TRIM44: variants seen among roughly 807,000 people sequenced by gnomAD.
TRIM44 encodes tripartite motif-containing protein 44.
Under a neutral mutation model 37.4 loss-of-function variants are expected in TRIM44, and 13 were observed. The ratio of observed to expected loss-of-function variants is 0.35; its 90% CI spans 0.23 to 0.55. TRIM44 has a LOEUF of 0.55. TRIM44 is among the 20% of genes least tolerant of loss of function. TRIM44 has a pLI of 0.89. For missense variants in TRIM44, 426 were observed against 437.2 expected, an observed-to-expected ratio of 0.97 and a Z score of 0.23; for synonymous variants, 175 against 157.2, an observed-to-expected ratio of 1.11 and a Z score of -0.85.
At chr11:35,695,324 A>G (rs1851683690) in intron 2 of TRIM44, among the ~76,000 whole-genome samples, 1 of 152,170 alleles carries the variant, frequency 6.6e-6, no homozygotes, top group African/African-American at 2.4e-5. Flanking sequence ...AATAGCACTA[A>G]TAACTGATGG....
Position 35,808,018 on chromosome 11 carries a change from T to C in TRIM44, c.*1633T>C, listed in dbSNP as rs1853477100. ...GCTGATTGTTATGCTTGCAGGATGG[T>C]TTTGAAACAGAAACAATACTTGTTT... On this transcript the variant is annotated 3_prime_UTR_variant, in exon 5 of 5. Coordinates refer to ENST00000299413, the MANE Select transcript of TRIM44 (RefSeq NM_017583.6). The C allele has an allele frequency of 6.6e-6, 1 of 151,962 alleles. No homozygotes were observed. The highest frequency in any genetic ancestry group is 1.5e-5 in the Non-Finnish European group (1 of 67,982). 9.4% of individuals were successfully genotyped at this position (151,962 alleles called of 1,614,324 possible).
At chr11:35,799,853 A>T (rs589100) in intron 4 of TRIM44, among the ~76,000 whole-genome samples, 2 of 152,132 alleles carry the variant, frequency 1.3e-5, no homozygotes, top group Non-Finnish European at 2.9e-5. Context: ...AAATAGAACC[A>T]GAACTAGAGA....
rs575891195 is a variant in TRIM44 at position 35,703,947 on chromosome 11, C to T, written c.747+18611C>T. On this transcript the variant is annotated intron_variant, in intron 2 of 4. Coordinates refer to ENST00000299413, the MANE Select transcript of TRIM44 (RefSeq NM_017583.6). ...CGAGTTGAGAGAAGAAGGCTTCAGA[C>T]GATCAAACTACTCCGAGCTACAGGA... Among the ~76,000 whole-genome samples, 10 of 151,724 alleles carry T rather than the reference C, an allele frequency of 6.6e-5. No individual in the cohort carries two copies. The South Asian group carries it at 1.0e-3, about 16-fold the overall frequency.
At chr11:35,739,259 G>T (rs1852362502) in intron 4 of TRIM44, among the ~76,000 whole-genome samples, 1 of 152,054 alleles carries the variant, frequency 6.6e-6, no homozygotes, top group South Asian at 2.1e-4. Context: ...ATAGTTATTA[G>T]CCCACTTGTC....
chr11:35,764,641 T>G (rs1256838546), intron 4 of TRIM44, among the ~76,000 whole-genome samples: 2 of 152,156 alleles, frequency 1.3e-5, no homozygotes, highest in Non-Finnish European at 2.9e-5. Context: ...TTGTTAATGG[T>G]TTCCTATCCC....
chr11:35,794,848 G>A (rs1363639662), intron 4 of TRIM44, among the ~76,000 whole-genome samples: 2 of 152,214 alleles, frequency 1.3e-5, no homozygotes, highest in Non-Finnish European at 2.9e-5. Flanking sequence ...ACATTACCAG[G>A]TACTGGTGAT....
At position 35,685,294 on chromosome 11, in the gene TRIM44, C is replaced by T. The variant is rs1389531663; in HGVS notation, c.705C>T (p.Ile235=). 7.4e-6 allele frequency: 12 copies of T among 1,614,048 alleles called. No homozygotes were observed. The highest frequency in any genetic ancestry group is 6.7e-5 in the African/African-American group (5 of 74,936). The part of the protein sequence containing the change: ...KDSGGLKAAM[I]ELVERLKFKS... ...CAGGTGGACTGAAGGCCGCTATGAT[C>T]GAATTGGTGGAAAGGTTGAAGTTCA... Residue 235 remains isoleucine, a synonymous_variant, in exon 2 of 5, where the codon ATC becomes ATT. Coordinates refer to ENST00000299413, the MANE Select transcript of TRIM44 (RefSeq NM_017583.6).
rs554973139 is a variant in TRIM44, at chr11:35,779,453, C to T, written c.1008-26905C>T. Among the ~76,000 whole-genome samples the T allele has an allele frequency of 6.6e-5, 10 of 152,160 alleles. No homozygotes were observed. The East Asian group carries it at 7.8e-4, about 12-fold the overall frequency. On this transcript the variant is annotated intron_variant, in intron 4 of 4. Coordinates refer to ENST00000299413, the MANE Select transcript of TRIM44 (RefSeq NM_017583.6). ...CACTCCGTGAGCTGCACCCACTGTC[C>T]GACAAGCCCCAGTGAGATGAACCTG...
intron 1 of TRIM44, among the ~76,000 whole-genome samples, chr11:35,666,306 T>G (rs1045906869): frequency 2.0e-5 from 3 of 152,230 alleles, no homozygotes; most frequent in Non-Finnish European, 4.4e-5. Context: ...CCCTTTATAA[T>G]ATGTCTTAAT....
intron 2 of TRIM44, among the ~76,000 whole-genome samples, chr11:35,691,793 C>T (rs1415664995): frequency 6.6e-6 from 1 of 152,066 alleles, no homozygotes; most frequent in East Asian, 1.9e-4. Flanking sequence ...TATAGGCGCC[C>T]GCCACCATGC....
chr11:35,799,831 G>T (rs1206027305), intron 4 of TRIM44, among the ~76,000 whole-genome samples: 1 of 152,146 alleles, frequency 6.6e-6, no homozygotes. Context: ...AAGAGAGAAG[G>T]CTCATAGGAT....
intron 4 of TRIM44, among the ~76,000 whole-genome samples, chr11:35,738,356 TAG>T (rs1852351725): frequency 1.3e-5 from 2 of 149,426 alleles, no homozygotes; most frequent in African/African-American, 5.1e-5. Flanking sequence ...TGGAAAGGCA[TAG>T]AGTTTCTTGT....
chr11:35,773,158 C>T (rs1360446904), intron 4 of TRIM44, among the ~76,000 whole-genome samples: 1 of 152,106 alleles, frequency 6.6e-6, no homozygotes, highest in Non-Finnish European at 1.5e-5. Context: ...CATTGCCTCC[C>T]GCCATGATTC....
chr11:35,748,331 G>A (rs1372922961), intron 4 of TRIM44, among the ~76,000 whole-genome samples: 5 of 152,178 alleles, frequency 3.3e-5, no homozygotes, highest in African/African-American at 9.7e-5. Context: ...AGGACTCGAG[G>A]AAGTGATGAA....
At chr11:35,737,154 T>G (rs1046286956) in intron 4 of TRIM44, among the ~76,000 whole-genome samples, 1 of 152,166 alleles carries the variant, frequency 6.6e-6, no homozygotes, top group African/African-American at 2.4e-5. Flanking sequence ...GGGTTGGTTG[T>G]TCTAGGTAGA....
chr11:35,779,774 A>G (rs1162644738), intron 4 of TRIM44, among the ~76,000 whole-genome samples: 3 of 150,914 alleles, frequency 2.0e-5, no homozygotes, highest in African/African-American at 7.3e-5. Context: ...TTTTTTTTGT[A>G]TATGGTAAAA....
intron 1 of TRIM44, among the ~76,000 whole-genome samples, chr11:35,684,658 C>G (rs1851553660): frequency 6.6e-6 from 1 of 152,116 alleles, no homozygotes; most frequent in Non-Finnish European, 1.5e-5. Context: ...CTGTATATGT[C>G]TGACTCAAAA....
At chr11:35,699,943 T>C (rs954312884) in intron 2 of TRIM44, among the ~76,000 whole-genome samples, 4 of 151,874 alleles carry the variant, frequency 2.6e-5, no homozygotes, top group African/African-American at 7.3e-5. Flanking sequence ...CTCAGTGAAA[T>C]AAAAGAGGAT....
chr11:35,704,828 C>T (rs895666067), intron 2 of TRIM44, among the ~76,000 whole-genome samples: 3 of 152,100 alleles, frequency 2.0e-5, no homozygotes, highest in African/African-American at 7.2e-5. Context: ...TAAAGACCAT[C>T]GATGCTCGGA....
Sources: allele counts gnomAD v4.1 joint callset (sites outside exome capture counted in the v4.1 genomes callset), GRCh38; gene constraint gnomAD v4.1.1; transcripts MANE v1.5; gene names NCBI Gene and HGNC (gene_info 2026-07-23, HGNC 2026-07-21).